Variants in CABLES1 observed in about 807,000 individuals in gnomAD.
The protein encoded by CABLES1 is CDK5 and ABL1 enzyme substrate 1.
A neutral mutation model predicts 57.8 loss-of-function variants in CABLES1; 36 were observed. That is an observed-to-expected ratio of 0.62 (90% CI 0.48 to 0.82). CABLES1 has a LOEUF of 0.82. Ranked by LOEUF, CABLES1 falls within the 40% of genes least tolerant of loss-of-function variation. The pLI is 0.00. For missense variants in CABLES1, 767 were observed against 836.6 expected (o/e 0.92, Z 1.03); for synonymous variants, 374 against 363.0 (o/e 1.03, Z -0.35).
chr18:23,139,403 C>CAAAAAAAAAAA (rs61297552), intron 1 of CABLES1, among the ~76,000 whole-genome samples: 1 of 111,176 alleles, frequency 9.0e-6, no homozygotes. Context: ...AACTCCATCT[C>CAAAAAAAAAAA]AAAAAAAAAA....
At chr18:23,143,988 T>C (rs2046875054) in intron 1 of CABLES1, among the ~76,000 whole-genome samples, 1 of 152,332 alleles carries the variant, frequency 6.6e-6, no homozygotes, top group Non-Finnish European at 1.5e-5. Context: ...GTTGCTGCCA[T>C]ACTGTGTTGT....
chr18:23,154,957 T>G (rs1336144041), intron 1 of CABLES1, among the ~76,000 whole-genome samples: 1 of 152,244 alleles, frequency 6.6e-6, no homozygotes, highest in African/African-American at 2.4e-5. Flanking sequence ...GAAGCTGCTA[T>G]GTGTGTACAG....
intron 4 of CABLES1, among the ~76,000 whole-genome samples, chr18:23,217,358 C>G (rs1296480432): frequency 6.6e-6 from 1 of 152,156 alleles, no homozygotes; most frequent in Non-Finnish European, 1.5e-5. Context: ...GTTGGGATTA[C>G]AGGTGTAAGC....
Position 23,135,980 on chromosome 18 carries a change from C to T in CABLES1, c.218C>T (p.Ser73Leu). The T allele has an allele frequency of 8.8e-7, 1 of 1,138,332 alleles. No homozygotes were observed. The highest frequency in any genetic ancestry group is 4.4e-5 in the Admixed American group (1 of 22,838). The allele number at this position is 1,138,332 out of a possible 1,614,324, so 70.5% of individuals were successfully genotyped here. The change falls in exon 1 of 10, where the codon TCG (serine) becomes TTG (leucine). Residue 73 changes from serine (S) to leucine (L), a missense_variant. Transcript: ENST00000256925. ...QAALSFLTNI[S>L]LDGRLPPQDA... ...GCCCTCTCCTTCCTCACCAACATCT[C>T]GCTGGACGGCCGGCTGCCGCCGCAG...
chr18:23,165,076 A>T (rs1285046357), intron 1 of CABLES1, among the ~76,000 whole-genome samples: 1 of 152,016 alleles, frequency 6.6e-6, no homozygotes, highest in African/African-American at 2.4e-5. Flanking sequence ...TCCGGCCTTA[A>T]CTATTCTTTT....
In CABLES1 at chr18:23,237,150, C is replaced by T. The variant is rs368459056; in HGVS notation, c.1351C>T (p.Leu451=). The T allele has an allele frequency of 1.9e-5, 31 of 1,608,258 alleles. No individual in the cohort carries two copies. In the African/African-American group the frequency reaches 3.9e-4, roughly 20 times the overall value. Residue 451 remains leucine, a synonymous_variant, in exon 7 of 10, where the codon CTG becomes TTG. Coordinates refer to ENST00000256925, the MANE Select transcript of CABLES1 (RefSeq NM_001100619.3). Reference sequence around the variant, plus strand: ...TTGCATGTGATCTTCAGGTAGTGACCTGGGAGACTTTATGGACTATGACCC... The same window carrying T: ...TTGCATGTGATCTTCAGGTAGTGACTTGGGAGACTTTATGGACTATGACCC... ...TQGSLDTGSD[L]GDFMDYDPNL... is the part of the protein sequence containing the mutation.
chr18:23,257,517 T>A lies in CABLES1; in HGVS notation c.*150T>A. 1.2e-6 allele frequency: 1 copy of A among 853,220 alleles called. No homozygotes were observed. The highest frequency in any genetic ancestry group is 3.1e-4 in the Middle Eastern group (1 of 3,224). The allele number at this position is 853,220 out of a possible 1,614,324, so 52.9% of individuals were successfully genotyped here. On this transcript the variant is annotated 3_prime_UTR_variant, in exon 10 of 10. Transcript: ENST00000256925. Reference sequence around the variant, plus strand: ...TGGGGAGAAGCAGTACTAGAAACTTTCCAAGGAGTCTTGGGTGTGTAGCCA... The same window carrying A: ...TGGGGAGAAGCAGTACTAGAAACTTACCAAGGAGTCTTGGGTGTGTAGCCA...
chr18:23,187,372 A>G (rs979756935), intron 1 of CABLES1, among the ~76,000 whole-genome samples: 1 of 152,194 alleles, frequency 6.6e-6, no homozygotes. Context: ...CAGTTGGAGA[A>G]GAGACAAGGA....
At chr18:23,184,285 A>G (rs1432612327) in intron 1 of CABLES1, among the ~76,000 whole-genome samples, 1 of 150,770 alleles carries the variant, frequency 6.6e-6, no homozygotes, top group Non-Finnish European at 1.5e-5. Flanking sequence ...ATGCGTGCTA[A>G]TGTGTGCCCT....
intron 4 of CABLES1, among the ~76,000 whole-genome samples, chr18:23,220,596 T>C (rs945364865): frequency 4.6e-5 from 7 of 152,266 alleles, no homozygotes; most frequent in African/African-American, 1.7e-4. Flanking sequence ...TGGGGCTGGG[T>C]GTGCTGGCTC....
In CABLES1 at chr18:23,188,687, G is replaced by A; in HGVS notation, c.846-151G>A. ...CAAGATGGGCCTGGCGTGCAGGGTG[G>A]GAACATGGCAGCCTCTTAGAGACAG... On this transcript the variant is annotated intron_variant, in intron 1 of 9. Coordinates refer to ENST00000256925, the MANE Select transcript of CABLES1 (RefSeq NM_001100619.3). The A allele has an allele frequency of 6.0e-6, 4 of 663,202 alleles. No individual in the cohort carries two copies. The South Asian group carries it at 6.6e-5, about 11-fold the overall frequency. 41.1% of individuals were successfully genotyped at this position (663,202 alleles called of 1,614,324 possible).
At chr18:23,255,877 T>C (rs2048152820) in intron 9 of CABLES1, among the ~76,000 whole-genome samples, 1 of 152,092 alleles carries the variant, frequency 6.6e-6, no homozygotes, top group Non-Finnish European at 1.5e-5. Context: ...TAATGAATCT[T>C]TTGATGTAAC....
At chr18:23,219,709 T>C (rs1477030173) in intron 4 of CABLES1, among the ~76,000 whole-genome samples, 1 of 152,206 alleles carries the variant, frequency 6.6e-6, no homozygotes, top group Non-Finnish European at 1.5e-5. Context: ...AAAATGGGGA[T>C]GTTTAACCAG....
Position 23,177,959 on chromosome 18 carries a change from C to T in CABLES1, c.846-10879C>T, listed in dbSNP as rs146413432. Reference sequence around the variant, plus strand: ...CTGGATTTGATTCCTTGGAGCCTGACGCCCATTCAGAACATAGGTAAGTTG... The same window carrying T: ...CTGGATTTGATTCCTTGGAGCCTGATGCCCATTCAGAACATAGGTAAGTTG... On this transcript the variant is annotated intron_variant, in intron 1 of 9. Transcript: ENST00000256925. 1.5e-3 allele frequency among the ~76,000 whole-genome samples: 221 copies of T among 152,308 alleles called. 1 individual carries two copies. Among genetic ancestry groups the T allele is most frequent in the Middle Eastern group, 0.014 (4 of 294 alleles).
At chr18:23,254,187 T>C (rs960389688) in intron 9 of CABLES1, among the ~76,000 whole-genome samples, 4 of 152,196 alleles carry the variant, frequency 2.6e-5, no homozygotes, top group Admixed American at 2.0e-4. Context: ...TCAGACACCA[T>C]GTGAGATGCA....
intron 3 of CABLES1, among the ~76,000 whole-genome samples, chr18:23,207,712 G>A (rs1188908181): frequency 6.6e-6 from 1 of 151,958 alleles, no homozygotes; most frequent in Non-Finnish European, 1.5e-5. Flanking sequence ...GGAGGGAGGA[G>A]AGGAAGATTA....
intron 1 of CABLES1, among the ~76,000 whole-genome samples, chr18:23,187,877 C>T (rs1444759866): frequency 6.6e-6 from 1 of 152,120 alleles, no homozygotes; most frequent in Non-Finnish European, 1.5e-5. Context: ...CAAAAAAACA[C>T]CAAAAAGTCA....
intron 3 of CABLES1, among the ~76,000 whole-genome samples, chr18:23,204,040 C>T (rs2145039668): frequency 6.6e-6 from 1 of 152,302 alleles, no homozygotes; most frequent in South Asian, 2.1e-4. Flanking sequence ...TCCAGGACTC[C>T]CCAGACCTCA....
chr18:23,245,002 G>A (rs1411380091), intron 7 of CABLES1, among the ~76,000 whole-genome samples: 2 of 152,210 alleles, frequency 1.3e-5, no homozygotes, highest in African/African-American at 4.8e-5. Context: ...GTTGGAATCA[G>A]ACCAACAACC....
Sources: allele counts gnomAD v4.1 joint callset (sites outside exome capture counted in the v4.1 genomes callset), GRCh38; gene constraint gnomAD v4.1.1; transcripts MANE v1.5; gene names NCBI Gene and HGNC (gene_info 2026-07-23, HGNC 2026-07-21).